The following PDZD2 variants were observed in gnomAD, a reference collection of about 807,000 sequenced individuals.
PDZD2 encodes PDZ domain containing 2.
PDZD2 carries 90 observed loss-of-function variants against 220.7 expected under a neutral mutation model. The ratio of observed to expected loss-of-function variants is 0.41; its 90% CI spans 0.34 to 0.49. PDZD2 has a LOEUF of 0.49. Ranked by LOEUF, PDZD2 falls within the 20% of genes least tolerant of loss-of-function variation. The pLI, the probability that PDZD2 is intolerant of heterozygous loss-of-function variation, is 0.28. For missense variants in PDZD2, 3,174 were observed against 3,608.5 expected (o/e 0.88, Z 3.08); for synonymous variants, 1,375 against 1,450.5 (o/e 0.95, Z 1.18).
intron 1 of PDZD2, among the ~76,000 whole-genome samples, chr5:31,779,860 G>T (rs543715427): frequency 6.6e-6 from 1 of 152,084 alleles, no homozygotes; most frequent in Non-Finnish European, 1.5e-5. Context: ...TAGTGTCCAT[G>T]ATTAATCTGT....
intron 2 of PDZD2, among the ~76,000 whole-genome samples, chr5:31,801,537 G>T (rs529330049): frequency 6.6e-4 from 100 of 152,244 alleles, no homozygotes; most frequent in African/African-American, 2.3e-3. Flanking sequence ...TTGGAAAGAA[G>T]CTGATTTGGA....
At chr5:32,001,166 A>G (rs1405592720) in intron 5 of PDZD2, among the ~76,000 whole-genome samples, 2 of 152,196 alleles carry the variant, frequency 1.3e-5, no homozygotes, top group Non-Finnish European at 2.9e-5. Context: ...CTGGTGCCAA[A>G]AAGGTCAGGG....
intron 2 of PDZD2, among the ~76,000 whole-genome samples, chr5:31,846,511 A>G (rs866584184): frequency 1.3e-5 from 2 of 152,328 alleles, no homozygotes; most frequent in Middle Eastern, 6.8e-3. Flanking sequence ...TTCAGACGTC[A>G]TTCACTCATC....
intron 2 of PDZD2, among the ~76,000 whole-genome samples, chr5:31,905,708 T>C (rs1442132819): frequency 6.6e-6 from 1 of 152,224 alleles, no homozygotes; most frequent in Non-Finnish European, 1.5e-5. Context: ...TTGGGTACCT[T>C]CTGAGGATAT....
chr5:31,679,366 A>T (rs1746565265), intron 1 of PDZD2, among the ~76,000 whole-genome samples: 1 of 152,248 alleles, frequency 6.6e-6, no homozygotes, highest in Admixed American at 6.5e-5. Flanking sequence ...TGAGGATTTT[A>T]AAAAGTGGGT....
chr5:32,092,995 C>A lies in PDZD2; in HGVS notation c.7816C>A (p.Leu2606Ile). 6.3e-7 allele frequency: 1 copy of A among 1,591,808 alleles called. No individual in the cohort carries two copies. Among genetic ancestry groups the A allele is most frequent in the Non-Finnish European group, 8.6e-7 (1 of 1,160,272 alleles). ...SVGSKSTILT[L>I]IQEAKAQSEN... ...GGGATCGAAATCTACCATCCTAACT[C>A]TCATTCAGGAAGCGAAAGCACAATC... Residue 2606 changes from leucine to isoleucine, a missense_variant, in exon 21 of 25, where the codon CTC becomes ATC. Coordinates refer to ENST00000438447, the MANE Select transcript of PDZD2 (RefSeq NM_178140.4).
At chr5:32,001,564 C>T (rs1395396656) in intron 5 of PDZD2, among the ~76,000 whole-genome samples, 1 of 152,226 alleles carries the variant, frequency 6.6e-6, no homozygotes, top group Non-Finnish European at 1.5e-5. Flanking sequence ...CGCCTCTTCT[C>T]CACGGGTCCT....
intron 1 of PDZD2, among the ~76,000 whole-genome samples, chr5:31,699,207 G>T (rs1747508704): frequency 6.6e-6 from 1 of 152,088 alleles, no homozygotes; most frequent in Non-Finnish European, 1.5e-5. Context: ...TAAGTGCAGT[G>T]GTGCAGGGTA....
At chr5:31,708,179 A>C (rs1381855272) in intron 1 of PDZD2, among the ~76,000 whole-genome samples, 1 of 152,160 alleles carries the variant, frequency 6.6e-6, no homozygotes, top group Non-Finnish European at 1.5e-5. Flanking sequence ...CAGCCTATTT[A>C]TCTAAGTCCC....
At chr5:32,052,536 A>G in intron 8 of PDZD2, 75 bp from the exon 9 acceptor site, 2 of 1,338,084 alleles carry the variant, frequency 1.5e-6, no homozygotes, top group East Asian at 2.3e-5. Context: ...TCAAAGTCTG[A>G]GTGTATTTTT....
chr5:31,847,802 T>A, intron 2 of PDZD2: 2 of 572,004 alleles, frequency 3.5e-6, no homozygotes, highest in South Asian at 2.8e-5. Context: ...ACCAGACGAT[T>A]CCCTGGTTAT....
chr5:31,796,014 G>T (rs889488012), intron 1 of PDZD2, among the ~76,000 whole-genome samples: 2 of 152,274 alleles, frequency 1.3e-5, no homozygotes. Flanking sequence ...TAGGGCCTGA[G>T]GGTGGGCTCT....
chr5:31,956,918 T>A (rs1747765564), intron 2 of PDZD2, among the ~76,000 whole-genome samples: 2 of 152,068 alleles, frequency 1.3e-5, no homozygotes, highest in Admixed American at 1.3e-4. Flanking sequence ...AGAGATGGGG[T>A]CTTTCTCTGT....
At chr5:31,724,943 A>C (rs1397716943) in intron 1 of PDZD2, among the ~76,000 whole-genome samples, 4 of 152,208 alleles carry the variant, frequency 2.6e-5, no homozygotes. Context: ...TTCACCAAAT[A>C]CTTCAAGCAT....
chr5:32,043,696 C>T (rs890411782), intron 7 of PDZD2, among the ~76,000 whole-genome samples: 50 of 152,142 alleles, frequency 3.3e-4, no homozygotes, highest in Non-Finnish European at 6.5e-4. Context: ...GGTGTGATCT[C>T]AGCTCACCAC....
intron 2 of PDZD2, among the ~76,000 whole-genome samples, chr5:31,832,895 T>C (rs577358502): frequency 6.9e-6 from 1 of 144,270 alleles, no homozygotes; most frequent in South Asian, 2.1e-4. Flanking sequence ...ACAAACCTAG[T>C]GTGTGAGGAA....
intron 1 of PDZD2, among the ~76,000 whole-genome samples, chr5:31,652,048 G>T (rs1274292475): frequency 6.8e-6 from 1 of 147,086 alleles, no homozygotes; most frequent in Non-Finnish European, 1.5e-5. Context: ...GGCCAGGCTG[G>T]TCTCGAACTC....
chr5:31,780,082 T>C (rs1424363198), intron 1 of PDZD2, among the ~76,000 whole-genome samples: 1 of 152,110 alleles, frequency 6.6e-6, no homozygotes, highest in African/African-American at 2.4e-5. Context: ...CCTCCAGCCC[T>C]CTTCTGAAGA....
intron 2 of PDZD2, among the ~76,000 whole-genome samples, chr5:31,956,345 T>TTC (rs1212886536): frequency 2.6e-5 from 4 of 151,182 alleles, no homozygotes; most frequent in Admixed American, 6.6e-5. Context: ...AGTTTTTTTT[T>TTC]TTTTTTTGAA....
Sources: allele counts gnomAD v4.1 joint callset (sites outside exome capture counted in the v4.1 genomes callset), GRCh38; gene constraint gnomAD v4.1.1; transcripts MANE v1.5; gene names NCBI Gene and HGNC (gene_info 2026-07-23, HGNC 2026-07-21).